The following EXOC6 variants were observed in gnomAD, a reference collection of about 807,000 sequenced individuals.
EXOC6 encodes SEC15-like 1.
EXOC6 carries 60 observed loss-of-function variants against 112.5 expected under a neutral mutation model. That is an observed-to-expected ratio of 0.53 (90% CI 0.43 to 0.66). The LOEUF (loss-of-function observed/expected upper bound fraction) is 0.66. EXOC6 is among the 30% of genes least tolerant of loss of function. EXOC6 has a pLI of 0.00. For synonymous variants in EXOC6, 295 were observed against 308.0 expected, an observed-to-expected ratio of 0.96 and a Z score of 0.44; for missense variants, 855 against 957.1, an observed-to-expected ratio of 0.89 and a Z score of 1.41.
chr10:92,976,571 T>C (rs1329182202), intron 18 of EXOC6, among the ~76,000 whole-genome samples: 1 of 150,972 alleles, frequency 6.6e-6, no homozygotes, highest in Non-Finnish European at 1.5e-5. Flanking sequence ...GAGACCTTTG[T>C]TCACTTGTTT....
chr10:92,896,045 G>T lies in EXOC6; in HGVS notation c.412+1025G>T, dbSNP rs867066522. On this transcript the variant is annotated intron_variant, in intron 4 of 21. Transcript: ENST00000260762. ...TGTATATATATGTGTGTATATATAT[G>T]TGTATATATATGTGTATATATATGT... Among the ~76,000 whole-genome samples, 265 of 84,392 alleles carry T rather than the reference G, an allele frequency of 3.1e-3. 1 individual carries two copies. Among genetic ancestry groups the T allele is most frequent in the African/African-American group, 0.013 (252 of 19,874 alleles). The allele number at this position is 84,392 out of a possible 152,430, so 55.4% of individuals were successfully genotyped here. A position where few individuals can be genotyped will look rare whatever the true frequency, so the allele number is the denominator to read the frequency against.
At chr10:92,924,573 T>G (rs1564835063) in intron 8 of EXOC6, among the ~76,000 whole-genome samples, 1 of 152,240 alleles carries the variant, frequency 6.6e-6, no homozygotes, top group African/African-American at 2.4e-5. Context: ...CATTCTCTTT[T>G]GTTAAACACC....
Position 92,977,952 on chromosome 10 carries a change from C to T in EXOC6, c.1953+3720C>T, listed in dbSNP as rs565928223. Among the ~76,000 whole-genome samples, 3 of 152,258 alleles carry T rather than the reference C, an allele frequency of 2.0e-5. No individual in the cohort carries two copies. In the South Asian group the frequency reaches 6.2e-4, roughly 32 times the overall value. On this transcript the variant is annotated intron_variant, in intron 18 of 21. Coordinates refer to ENST00000260762, the MANE Select transcript of EXOC6 (RefSeq NM_019053.6). ...TAGATCACTCATCTATCTGTTACGA[C>T]ATTTTGTATGGCTTTAGCTGAGTCT... is the stretch of plus-strand genomic sequence containing the variant.
chr10:92,983,764 C>T (rs1471477212), intron 18 of EXOC6, among the ~76,000 whole-genome samples: 3 of 152,090 alleles, frequency 2.0e-5, no homozygotes, highest in Non-Finnish European at 4.4e-5. Context: ...ACACTGGCCT[C>T]CCAAAGTGAT....
chr10:92,906,646 A>G (rs902881932), intron 5 of EXOC6, among the ~76,000 whole-genome samples: 1 of 152,210 alleles, frequency 6.6e-6, no homozygotes, highest in Non-Finnish European at 1.5e-5. Flanking sequence ...CTATAAGGAC[A>G]TCATTACCTT....
At chr10:92,833,218 T>G (rs111913118), upstream of EXOC6, among the ~76,000 whole-genome samples, 1 of 152,136 alleles carries the variant, frequency 6.6e-6, no homozygotes, top group African/African-American at 2.4e-5. Context: ...TGTGGTTCAG[T>G]TGGGGCTTGG....
chr10:92,956,378 G>C (rs954324898), intron 17 of EXOC6, among the ~76,000 whole-genome samples: 1 of 151,990 alleles, frequency 6.6e-6, no homozygotes, highest in African/African-American at 2.4e-5. Flanking sequence ...AAATGGGCTT[G>C]CTAATTTAAC....
chr10:92,828,700 G>C (rs1589659611), intron 1 of EXOC6, among the ~76,000 whole-genome samples: 1 of 64,776 alleles, frequency 1.5e-5, no homozygotes, highest in Non-Finnish European at 3.4e-5. Context: ...CTGTGTGTGT[G>C]TGTGTGTGTG....
intron 8 of EXOC6, among the ~76,000 whole-genome samples, chr10:92,925,645 T>G (rs1851672855): frequency 1.3e-5 from 2 of 151,896 alleles, no homozygotes; most frequent in Non-Finnish European, 2.9e-5. Context: ...TTTCATGATG[T>G]AATTTTGTTG....
At chr10:92,848,446 C>CGG, upstream of EXOC6, 1 of 1,008,480 alleles carries the variant, frequency 9.9e-7, no homozygotes, top group Non-Finnish European at 1.2e-6. Flanking sequence ...CCGCCCCCGC[C>CGG]CCGCCCCTTC....
chr10:92,894,312 T>A (rs904444729), intron 2 of EXOC6, among the ~76,000 whole-genome samples: 1 of 152,212 alleles, frequency 6.6e-6, no homozygotes, highest in Non-Finnish European at 1.5e-5. Flanking sequence ...GAGCTTTGCC[T>A]GCACCTGCAG....
rs752509889 is a variant in EXOC6, at chr10:92,899,648, AG to A, written c.458+5del. ...AAGAACAGATGAGTGCCAAAAGGTG[AG>A]TTGGTTTTTTTCCTATTGTTTTAAA... On this transcript the variant is annotated splice_donor_5th_base_variant and intron_variant, in intron 5 of 21. Transcript: ENST00000260762. 1 of 1,606,522 alleles carries A rather than the reference AG, an allele frequency of 6.2e-7. No homozygotes were observed. The highest frequency in any genetic ancestry group is 1.3e-5 in the African/African-American group (1 of 74,654).
chr10:92,847,161 A>G (rs957598977), upstream of EXOC6, among the ~76,000 whole-genome samples: 6 of 152,354 alleles, frequency 3.9e-5, no homozygotes, highest in Non-Finnish European at 7.3e-5. Flanking sequence ...CTGTAAGATA[A>G]TATGTCTGAG....
chr10:92,962,117 C>T (rs1450282886), intron 17 of EXOC6, among the ~76,000 whole-genome samples: 4 of 152,134 alleles, frequency 2.6e-5, no homozygotes, highest in Non-Finnish European at 2.9e-5. Context: ...ATATTTCCCT[C>T]TACAAGTGAG....
At chr10:93,017,671 C>T (rs1026246252) in intron 20 of EXOC6, among the ~76,000 whole-genome samples, 3 of 152,016 alleles carry the variant, frequency 2.0e-5, no homozygotes, top group Non-Finnish European at 2.9e-5. Context: ...CACCACTATA[C>T]GATTCATCCA....
chr10:93,023,327 G>T (rs1844873445), intron 20 of EXOC6, among the ~76,000 whole-genome samples: 1 of 152,156 alleles, frequency 6.6e-6, no homozygotes, highest in African/African-American at 2.4e-5. Flanking sequence ...CAAGAGAATT[G>T]GGACTCTATG....
At chr10:92,969,855 G>A (rs1338510837) in intron 17 of EXOC6, among the ~76,000 whole-genome samples, 1 of 151,918 alleles carries the variant, frequency 6.6e-6, no homozygotes, top group African/African-American at 2.4e-5. Context: ...CACCACGCCC[G>A]GCTAATTTTT....
At chr10:93,054,380 A>G (rs894353415) in intron 20 of EXOC6, among the ~76,000 whole-genome samples, 3 of 152,224 alleles carry the variant, frequency 2.0e-5, no homozygotes, top group African/African-American at 7.2e-5. Flanking sequence ...TAATTTGCAA[A>G]TTCGTGCAGA....
At position 92,961,432 on chromosome 10, in the gene EXOC6, C is replaced by T. The variant is rs145023780; in HGVS notation, c.1773+5718C>T. Among the ~76,000 whole-genome samples the T allele has an allele frequency of 4.1e-3, 622 of 152,158 alleles. 8 individuals are homozygous for T. The highest frequency in any genetic ancestry group is 0.014 in the African/African-American group (602 of 41,528). Reference sequence around the variant, plus strand: ...TTTTATGCTTACAGCTGATTTAATACATTTGAATGACATAAAATCCTAAAA... The same window carrying T: ...TTTTATGCTTACAGCTGATTTAATATATTTGAATGACATAAAATCCTAAAA... On this transcript the variant is annotated intron_variant, in intron 17 of 21. Coordinates refer to ENST00000260762, the MANE Select transcript of EXOC6 (RefSeq NM_019053.6).
Sources: allele counts gnomAD v4.1 joint callset (sites outside exome capture counted in the v4.1 genomes callset), GRCh38; gene constraint gnomAD v4.1.1; transcripts MANE v1.5; gene names NCBI Gene and HGNC (gene_info 2026-07-23, HGNC 2026-07-21).